ALK: variants seen among roughly 807,000 people sequenced by gnomAD.
The protein encoded by ALK is ALK receptor tyrosine kinase.
ALK carries 74 observed loss-of-function variants against 163.1 expected under a neutral mutation model. The ratio of observed to expected loss-of-function variants is 0.45; its 90% CI spans 0.38 to 0.55. ALK has a LOEUF of 0.55. ALK is among the 20% of genes least tolerant of loss of function. The probability of loss-of-function intolerance (pLI) is 0.00; values close to 1 mark genes in which losing one functional copy is unlikely to be tolerated. For synonymous variants in ALK, 960 were observed against 843.2 expected, an observed-to-expected ratio of 1.14 and a Z score of -2.40; for missense variants, 2,063 against 2,105.3, an observed-to-expected ratio of 0.98 and a Z score of 0.39.
At chr2:29,196,014 T>A (rs1158834462) in intron 28 of ALK, among the ~76,000 whole-genome samples, 1 of 152,066 alleles carries the variant, frequency 6.6e-6, no homozygotes, top group Non-Finnish European at 1.5e-5. Context: ...TCTCTTATGA[T>A]GATCTCCACC....
In ALK at chr2:29,227,528, G is replaced by A. The variant is rs1573132469; in HGVS notation, c.2914+46C>T. ...ACTCTGAGGTTTTAGCTTGGTGGGA[G>A]GACTGACCTAAGCAAGTTTGTTCTG... On this transcript the variant is annotated intron_variant, in intron 17 of 28. Transcript: ENST00000389048. The surrounding 1 kb of genome is among the most constrained non-coding windows in gnomAD (Gnocchi z 4.4). 1 of 1,486,508 alleles carries A rather than the reference G, an allele frequency of 6.7e-7. No individual in the cohort carries two copies. The highest frequency in any genetic ancestry group is 2.3e-5 in the East Asian group (1 of 44,258). 92.1% of individuals were successfully genotyped at this position (1,486,508 alleles called of 1,614,324 possible).
intron 1 of ALK, among the ~76,000 whole-genome samples, chr2:29,872,921 G>A (rs573675811): frequency 1.5e-4 from 23 of 152,330 alleles, no homozygotes; most frequent in Admixed American, 4.6e-4. Flanking sequence ...TGTGCATTCA[G>A]AAGAACTTGT....
intron 3 of ALK, among the ~76,000 whole-genome samples, chr2:29,644,588 C>CCCCCA (rs1408536769): frequency 2.0e-5 from 3 of 148,808 alleles, no homozygotes; most frequent in African/African-American, 7.8e-5. Context: ...CCCCCACTCT[C>CCCCCA]CAGGGAAAGC....
At chr2:29,279,441 A>G (rs1172360946) in intron 9 of ALK, among the ~76,000 whole-genome samples, 1 of 152,102 alleles carries the variant, frequency 6.6e-6, no homozygotes, top group East Asian at 1.9e-4. Context: ...CAAAGGTGGG[A>G]CAAAGGTGAG....
chr2:29,885,111 C>G (rs1430548558), intron 1 of ALK, among the ~76,000 whole-genome samples: 2 of 152,274 alleles, frequency 1.3e-5, no homozygotes, highest in East Asian at 3.9e-4. Context: ...GGATTGGTGT[C>G]CTTAATGCTT....
intron 5 of ALK, among the ~76,000 whole-genome samples, chr2:29,335,501 T>C (rs1192638990): frequency 2.0e-5 from 3 of 152,168 alleles, no homozygotes; most frequent in Non-Finnish European, 2.9e-5. Context: ...AACAAAGAAC[T>C]ACAGAAGGTA....
chr2:29,636,809 G>A (rs550273848), intron 3 of ALK, among the ~76,000 whole-genome samples: 9 of 152,288 alleles, frequency 5.9e-5, no homozygotes, highest in African/African-American at 2.2e-4. Context: ...TATCAAAAAG[G>A]ATAAACAGCT....
rs139888104 is a variant in ALK at position 29,216,543 on chromosome 2, G to C, written c.3646-2462C>G. ...CTTGGCTGCTCAGAGCAGATTAACT[G>C]CTCCACTAATCAGTGTGCACAGGGC... On this transcript the variant is annotated intron_variant, in intron 23 of 28. Transcript: ENST00000389048. Among the ~76,000 whole-genome samples the C allele has an allele frequency of 3.6e-3, 549 of 152,228 alleles. 7 individuals carry two copies. Among genetic ancestry groups the C allele is most frequent in the African/African-American group, 0.012 (504 of 41,492 alleles).
chr2:29,748,471 T>C (rs1381357041), intron 1 of ALK, among the ~76,000 whole-genome samples: 1 of 152,180 alleles, frequency 6.6e-6, no homozygotes, highest in Admixed American at 6.5e-5. Context: ...GTGTCTGGGG[T>C]GGAGCCTAAA....
At chr2:29,538,940 A>G (rs13390516) in intron 3 of ALK, among the ~76,000 whole-genome samples, 2,004 of 152,260 alleles carry the variant, frequency 0.013, 56 homozygotes, top group African/African-American at 0.046. Context: ...TTTATGTGAT[A>G]TATTTATGAC....
chr2:29,310,809 G>C (rs1209318687), intron 8 of ALK, among the ~76,000 whole-genome samples: 1 of 152,190 alleles, frequency 6.6e-6, no homozygotes, highest in Admixed American at 6.5e-5. Flanking sequence ...CATCAGAACA[G>C]GGAAGATTTT....
chr2:29,763,131 C>G (rs1680758942), intron 1 of ALK, among the ~76,000 whole-genome samples: 1 of 151,548 alleles, frequency 6.6e-6, no homozygotes, highest in African/African-American at 2.4e-5. Flanking sequence ...GTCAGATGAC[C>G]TGGGTATGGG....
chr2:29,267,840 G>A (rs1269194520), intron 11 of ALK, among the ~76,000 whole-genome samples: 1 of 152,264 alleles, frequency 6.6e-6, no homozygotes, highest in Non-Finnish European at 1.5e-5. Context: ...GAAGCAGCAA[G>A]TCTGAGAGAA....
chr2:29,396,439 G>T (rs552079383), intron 4 of ALK, among the ~76,000 whole-genome samples: 1 of 152,244 alleles, frequency 6.6e-6, no homozygotes, highest in African/African-American at 2.4e-5. Flanking sequence ...ACTTTAGGAG[G>T]CCGAGGTGGG....
chr2:29,262,313 A>G (rs868746005), intron 11 of ALK, among the ~76,000 whole-genome samples: 1 of 152,222 alleles, frequency 6.6e-6, no homozygotes, highest in African/African-American at 2.4e-5. Flanking sequence ...TGTTTCTCAG[A>G]CCGAATTTAT....
intron 3 of ALK, among the ~76,000 whole-genome samples, chr2:29,596,124 A>G (rs1193040083): frequency 3.9e-5 from 6 of 152,192 alleles, no homozygotes; most frequent in Non-Finnish European, 7.3e-5. Context: ...CTAACTTTCA[A>G]TTGCACACGT....
At chr2:29,201,462 A>T (rs371469296) in intron 26 of ALK, among the ~76,000 whole-genome samples, 1 of 151,924 alleles carries the variant, frequency 6.6e-6, no homozygotes, top group Non-Finnish European at 1.5e-5. Flanking sequence ...TTCCCATCCA[A>T]CAGTCAGCAG....
intron 4 of ALK, among the ~76,000 whole-genome samples, chr2:29,417,101 C>A (rs1669900863): frequency 6.7e-6 from 1 of 149,904 alleles, no homozygotes; most frequent in South Asian, 2.1e-4. Context: ...CATTCTCCTA[C>A]CTCAGCCTCC....
chr2:29,481,786 A>G (rs1671664544), intron 4 of ALK, among the ~76,000 whole-genome samples: 1 of 152,158 alleles, frequency 6.6e-6, no homozygotes, highest in African/African-American at 2.4e-5. Flanking sequence ...CAGAAAAGTG[A>G]TAAGTGACAG....
Sources: allele counts gnomAD v4.1 joint callset (sites outside exome capture counted in the v4.1 genomes callset), GRCh38; gene constraint gnomAD v4.1.1; non-coding constraint Gnocchi (gnomAD v3.1); transcripts MANE v1.5; gene names NCBI Gene and HGNC (gene_info 2026-07-23, HGNC 2026-07-21).